The following BMPR1B variants were observed in gnomAD, a reference collection of about 807,000 sequenced individuals.
The protein encoded by BMPR1B is bone morphogenetic protein receptor type-1B.
Under a neutral mutation model 59.1 loss-of-function variants are expected in BMPR1B, and 12 were observed. That is an observed-to-expected ratio of 0.20 (90% CI 0.13 to 0.33). The LOEUF (loss-of-function observed/expected upper bound fraction) is 0.33, where lower values mean the gene tolerates loss of function less well. BMPR1B is among the 10% of genes least tolerant of loss of function. The pLI, the probability that BMPR1B is intolerant of heterozygous loss-of-function variation, is 1.00. For missense variants in BMPR1B, 550 were observed against 610.9 expected, an observed-to-expected ratio of 0.90 and a Z score of 1.05; for synonymous variants, 237 against 207.3, an observed-to-expected ratio of 1.14 and a Z score of -1.23.
At chr4:94,985,357 G>A (rs115670581) in intron 2 of BMPR1B, among the ~76,000 whole-genome samples, 95 of 152,214 alleles carry the variant, frequency 6.2e-4, no homozygotes, top group African/African-American at 2.3e-3. Flanking sequence ...AAGGAGACAA[G>A]CTCCAGAGAT....
chr4:94,820,945 A>G (rs1179421188), intron 1 of BMPR1B, among the ~76,000 whole-genome samples: 3 of 152,192 alleles, frequency 2.0e-5, no homozygotes, highest in African/African-American at 2.4e-5. Flanking sequence ...ATTAGAGTGC[A>G]TAGTGTGCTT....
chr4:95,044,857 G>A (rs567781564), intron 3 of BMPR1B, among the ~76,000 whole-genome samples: 41 of 152,174 alleles, frequency 2.7e-4, no homozygotes, highest in African/African-American at 9.6e-4. Flanking sequence ...TTTTTGTACT[G>A]TGGGCTCTAT....
rs141491878 is a variant in BMPR1B at position 94,866,253 on chromosome 4, C to G, written c.-182-9578C>G. ...TTCAGAGGATTAACATTTCTCTTCTCTGACCAAGGAAATAGAGGTCATCGG... is the reference window on the plus strand; with the variant it reads ...TTCAGAGGATTAACATTTCTCTTCTGTGACCAAGGAAATAGAGGTCATCGG... On this transcript the variant is annotated intron_variant, in intron 1 of 12. Coordinates refer to ENST00000515059, the MANE Select transcript of BMPR1B (RefSeq NM_001203.3). Among the ~76,000 whole-genome samples the G allele has an allele frequency of 2.0e-5, 3 of 152,306 alleles. No homozygotes were observed. In the East Asian group the frequency reaches 5.8e-4, roughly 29 times the overall value.
At chr4:94,898,158 C>T (rs1727663434) in intron 2 of BMPR1B, among the ~76,000 whole-genome samples, 1 of 151,778 alleles carries the variant, frequency 6.6e-6, no homozygotes, top group South Asian at 2.1e-4. Flanking sequence ...CACTATGTTA[C>T]CCAGGCTGGT....
At chr4:94,955,817 CAG>C (rs983418908) in intron 2 of BMPR1B, among the ~76,000 whole-genome samples, 23 of 152,050 alleles carry the variant, frequency 1.5e-4, no homozygotes, top group African/African-American at 5.5e-4. Context: ...TTAGTAGAGA[CAG>C]GGTTTCACCA....
intron 3 of BMPR1B, 92 bp from the exon 4 acceptor site, chr4:95,104,316 C>A: frequency 7.1e-7 from 1 of 1,402,032 alleles, no homozygotes; most frequent in Non-Finnish European, 9.9e-7. Flanking sequence ...TTGAATACTT[C>A]ATTTTAAAAT....
chr4:94,966,140 G>A (rs1367492904), intron 2 of BMPR1B, among the ~76,000 whole-genome samples: 4 of 152,190 alleles, frequency 2.6e-5, no homozygotes, highest in Non-Finnish European at 5.9e-5. Flanking sequence ...ACATGTTAAA[G>A]TGGCAATAAC....
chr4:95,088,431 A>C (rs1353356468), intron 3 of BMPR1B, among the ~76,000 whole-genome samples: 1 of 152,146 alleles, frequency 6.6e-6, no homozygotes, highest in Non-Finnish European at 1.5e-5. Context: ...TGAGAAGAGA[A>C]ATATGTCCTT....
chr4:94,762,858 GT>G (rs372347404), intron 1 of BMPR1B, among the ~76,000 whole-genome samples: 49,165 of 141,222 alleles, frequency 0.35, 8,512 homozygotes, highest in Middle Eastern at 0.45. Flanking sequence ...ATCAGTTTTT[GT>G]TTTTTTTTTT....
chr4:94,758,674 C>T (rs1721630915), intron 1 of BMPR1B, among the ~76,000 whole-genome samples: 1 of 151,988 alleles, frequency 6.6e-6, no homozygotes, highest in Admixed American at 6.5e-5. Context: ...GCTTCAGTTG[C>T]CTGTCTCTTC....
intron 1 of BMPR1B, among the ~76,000 whole-genome samples, chr4:94,770,186 G>GTTTTTTTTTTTTTTTTT (rs56902521): frequency 1.8e-5 from 1 of 54,138 alleles, no homozygotes; most frequent in African/African-American, 6.3e-5. Flanking sequence ...TTCTGTGTTT[G>GTTTTTTTTTTTTTTTTT]TTTTTTTTTT....
At chr4:94,842,766 G>A (rs561041848) in intron 1 of BMPR1B, among the ~76,000 whole-genome samples, 32 of 152,076 alleles carry the variant, frequency 2.1e-4, no homozygotes, top group African/African-American at 7.5e-4. Flanking sequence ...CTTAACCCCA[G>A]GTTTCCTCTG....
At chr4:94,860,229 T>C (rs1725925851) in intron 1 of BMPR1B, among the ~76,000 whole-genome samples, 1 of 152,164 alleles carries the variant, frequency 6.6e-6, no homozygotes, top group Non-Finnish European at 1.5e-5. Flanking sequence ...GGGAAAACCT[T>C]TGGTCCTCCT....
intron 2 of BMPR1B, among the ~76,000 whole-genome samples, chr4:94,929,504 C>T (rs927388682): frequency 6.6e-6 from 1 of 152,060 alleles, no homozygotes; most frequent in African/African-American, 2.4e-5. Flanking sequence ...TCATTTAACA[C>T]TCAGGAGTCC....
At chr4:94,817,141 C>T (rs1481578103) in intron 1 of BMPR1B, among the ~76,000 whole-genome samples, 2 of 152,170 alleles carry the variant, frequency 1.3e-5, no homozygotes, top group East Asian at 3.9e-4. Context: ...CTCTCATCAG[C>T]CCTTGACCCT....
intron 1 of BMPR1B, among the ~76,000 whole-genome samples, chr4:94,795,499 C>T (rs529808399): frequency 4.6e-5 from 7 of 152,020 alleles, no homozygotes; most frequent in African/African-American, 1.4e-4. Context: ...GAGTCTCACT[C>T]TGTTGCTCAG....
intron 2 of BMPR1B, among the ~76,000 whole-genome samples, chr4:94,906,036 A>G (rs1349745434): frequency 6.6e-6 from 1 of 151,816 alleles, no homozygotes; most frequent in East Asian, 1.9e-4. Flanking sequence ...AAGTATTTCT[A>G]AGGTTTGTTC....
intron 1 of BMPR1B, among the ~76,000 whole-genome samples, chr4:94,843,896 A>T (rs1000990903): frequency 1.3e-4 from 20 of 152,262 alleles, no homozygotes; most frequent in Admixed American, 4.6e-4. Context: ...ATAATGATGG[A>T]TGACCTGGGG....
intron 1 of BMPR1B, among the ~76,000 whole-genome samples, chr4:94,810,919 G>A (rs562874984): frequency 8.5e-5 from 13 of 152,310 alleles, no homozygotes; most frequent in African/African-American, 3.1e-4. Context: ...GCATGTGTAT[G>A]TGTGTAGTGC....
Sources: allele counts gnomAD v4.1 joint callset (sites outside exome capture counted in the v4.1 genomes callset), GRCh38; gene constraint gnomAD v4.1.1; transcripts MANE v1.5; gene names NCBI Gene and HGNC (gene_info 2026-07-23, HGNC 2026-07-21).